OR9Q2: variants seen among roughly 807,000 people sequenced by gnomAD.
The protein encoded by OR9Q2 is olfactory receptor 9Q2.
In OR9Q2, 2 loss-of-function variants were observed where a neutral mutation model predicts 2.3. The ratio of observed to expected loss-of-function variants is 0.85; its 90% CI spans 0.35 to 2.68. The LOEUF (loss-of-function observed/expected upper bound fraction) is 2.68, where lower values mean the gene tolerates loss of function less well. OR9Q2 is among the 30% of genes most tolerant of loss of function. The probability of loss-of-function intolerance (pLI) is 0.10; values close to 1 mark genes in which losing one functional copy is unlikely to be tolerated. For missense variants in OR9Q2, 404 were observed against 395.7 expected (o/e 1.02, Z -0.18); for synonymous variants, 178 against 158.6 (o/e 1.12, Z -0.92).
chr11:58,191,284 G>A lies in OR9Q2; in HGVS notation c.794G>A (p.Gly265Asp), dbSNP rs751049731. 33 of 1,613,942 alleles carry A rather than the reference G, an allele frequency of 2.0e-5. No individual in the cohort carries two copies. Among genetic ancestry groups the A allele is most frequent in the Non-Finnish European group, 2.6e-5 (31 of 1,180,032 alleles). ...TTCATGTACCTGCGAGACAACACAG[G>A]CCAGTCCTCCGAGGGAGACCGAGTG... ...LIFMYLRDNT[G>D]QSSEGDRVVS... is the part of the protein sequence containing the mutation. Residue 265 changes from glycine (G) to aspartate (D), a missense_variant, in exon 2 of 2, where the codon GGC (glycine) becomes GAC (aspartate). Physicochemically the swap from Gly to Asp is moderately conservative, Grantham distance 94. Transcript: ENST00000641291.
chr11:58,190,662 C>A lies in OR9Q2; in HGVS notation c.172C>A (p.Pro58Thr), dbSNP rs1391572744. 4 of 1,614,206 alleles carry A rather than the reference C, an allele frequency of 2.5e-6. No individual in the cohort carries two copies. Among genetic ancestry groups the A allele is most frequent in the Non-Finnish European group, 3.4e-6 (4 of 1,180,036 alleles). ...LIRGDRRLHT[P>T]MYFFLSHLSL... ...CCGTGGCGATCGTCGGCTCCACACCCCGATGTACTTCTTCCTCAGCCACCT... is the reference window on the plus strand; with the variant it reads ...CCGTGGCGATCGTCGGCTCCACACCACGATGTACTTCTTCCTCAGCCACCT... The change falls in exon 2 of 2, where the codon CCG becomes ACG. Residue 58 changes from proline to threonine, a missense_variant. Transcript: ENST00000641291.
rs917095690 is a variant in OR9Q2 at position 58,192,088 on chromosome 11, T to C, written c.*653T>C. 2 of 145,716 alleles carry C rather than the reference T, an allele frequency of 1.4e-5. No individual in the cohort carries two copies. The highest frequency in any genetic ancestry group is 2.5e-5 in the African/African-American group (1 of 39,850). The allele number at this position is 145,716 out of a possible 1,614,324, so 9.0% of individuals were successfully genotyped here. ...ATTCTTTCTTTTTTTATCTTCTTGT[T>C]TCTGTGATTTTTGAATAACAATGAG... On this transcript the variant is annotated 3_prime_UTR_variant, in exon 2 of 2. Coordinates refer to ENST00000641291, the MANE Select transcript of OR9Q2 (RefSeq NM_001005283.3).
chr11:58,192,264 G>T lies in OR9Q2; in HGVS notation c.*829G>T, dbSNP rs1854772522. On this transcript the variant is annotated 3_prime_UTR_variant, in exon 2 of 2. Transcript: ENST00000641291. Reference sequence around the variant, plus strand: ...TGAGGTAGGTTCTATTATTATCTCTGCTTTATAGGTAGGTGAGGCACTTGA... The same window carrying T: ...TGAGGTAGGTTCTATTATTATCTCTTCTTTATAGGTAGGTGAGGCACTTGA... The T allele has an allele frequency of 6.6e-6, 1 of 152,022 alleles. No homozygotes were observed. The highest frequency in any genetic ancestry group is 2.4e-5 in the African/African-American group (1 of 41,390). The allele number at this position is 152,022 out of a possible 1,614,324, so 9.4% of individuals were successfully genotyped here. A position where few individuals can be genotyped will look rare whatever the true frequency, so the allele number is the denominator to read the frequency against.
chr11:58,189,295 C>T (rs1854736178), intron 1 of OR9Q2, among the ~76,000 whole-genome samples, 187 bp downstream of exon 1: 1 of 152,112 alleles, frequency 6.6e-6, no homozygotes, highest in Non-Finnish European at 1.5e-5. Flanking sequence ...GGAACAAAGG[C>T]AAGGTAACTG....
In OR9Q2 at chr11:58,192,444, G is replaced by A. The variant is rs957146724; in HGVS notation, c.*1009G>A. On this transcript the variant is annotated 3_prime_UTR_variant, in exon 2 of 2. Coordinates refer to ENST00000641291, the MANE Select transcript of OR9Q2 (RefSeq NM_001005283.3). Reference sequence around the variant, plus strand: ...TATAATCACTCAACCGGAATTTATTGTTATTGCTCTTTTCTTTTTCCTTTT... The same window carrying A: ...TATAATCACTCAACCGGAATTTATTATTATTGCTCTTTTCTTTTTCCTTTT... The A allele has an allele frequency of 6.6e-6, 1 of 152,090 alleles. No homozygotes were observed. The highest frequency in any genetic ancestry group is 1.5e-5 in the Non-Finnish European group (1 of 68,010). 9.4% of individuals were successfully genotyped at this position (152,090 alleles called of 1,614,324 possible). A position where few individuals can be genotyped will look rare whatever the true frequency, so the allele number is the denominator to read the frequency against.
chr11:58,192,244 T>C lies in OR9Q2; in HGVS notation c.*809T>C, dbSNP rs1050116549. The stretch of plus-strand genomic sequence containing the variant: ...TAATTTACAGGACATCCCTATGAGG[T>C]AGGTTCTATTATTATCTCTGCTTTA... On this transcript the variant is annotated 3_prime_UTR_variant, in exon 2 of 2. Coordinates refer to ENST00000641291, the MANE Select transcript of OR9Q2 (RefSeq NM_001005283.3). 8 of 151,980 alleles carry C rather than the reference T, an allele frequency of 5.3e-5. No homozygotes were observed. 9.4% of individuals were successfully genotyped at this position (151,980 alleles called of 1,614,324 possible).
In OR9Q2 at chr11:58,190,594, A is replaced by G. The variant is rs979591633; in HGVS notation, c.104A>G (p.Tyr35Cys). The G allele has an allele frequency of 1.2e-6, 2 of 1,613,894 alleles. No individual in the cohort carries two copies. Among genetic ancestry groups the G allele is most frequent in the African/African-American group, 2.7e-5 (2 of 74,852 alleles). ...CTCTTCCTCATATTTTTGAGTTTCT[A>G]TCTTGCCACTATGTTAGGGAACACA... ...VPLFLIFLSF[Y>C]LATMLGNTGM... Residue 35 changes from tyrosine to cysteine, a missense_variant, in exon 2 of 2, where the codon TAT (tyrosine) becomes TGT (cysteine). By Grantham distance (194) the Tyr-to-Cys change is radical. Coordinates refer to ENST00000641291, the MANE Select transcript of OR9Q2 (RefSeq NM_001005283.3).
Position 58,190,685 on chromosome 11 carries a change from C to T in OR9Q2, c.195C>T (p.His65=). The T allele has an allele frequency of 6.2e-7, 1 of 1,614,218 alleles. No homozygotes were observed. Residue 65 remains histidine (H), a synonymous_variant, in exon 2 of 2, where the codon CAC becomes CAT. Coordinates refer to ENST00000641291, the MANE Select transcript of OR9Q2 (RefSeq NM_001005283.3). ...CCCCGATGTACTTCTTCCTCAGCCA[C>T]CTTTCCTTGGTGGACATCTGCTACT... The part of the protein sequence containing the change: ...LHTPMYFFLS[H]LSLVDICYSS...
In OR9Q2 at chr11:58,190,399, A is replaced by G; in HGVS notation, c.-92A>G. The G allele has an allele frequency of 2.4e-6, 2 of 828,584 alleles. No individual in the cohort carries two copies. The highest frequency in any genetic ancestry group is 3.9e-6 in the Non-Finnish European group (2 of 507,396). 51.3% of individuals were successfully genotyped at this position (828,584 alleles called of 1,614,324 possible). On this transcript the variant is annotated 5_prime_UTR_variant, in exon 2 of 2. Transcript: ENST00000641291. Reference sequence around the variant, plus strand: ...TGCCGACATGTAAGACATTCAATTTAAAGCTTTGTTACTTGAAATCATTTG... The same window carrying G: ...TGCCGACATGTAAGACATTCAATTTGAAGCTTTGTTACTTGAAATCATTTG...
rs1291322069 is a variant in OR9Q2 at position 58,192,913 on chromosome 11, T to C, written c.*1478T>C. 1 of 152,200 alleles carries C rather than the reference T, an allele frequency of 6.6e-6. No homozygotes were observed. Among genetic ancestry groups the C allele is most frequent in the Non-Finnish European group, 1.5e-5 (1 of 68,028 alleles). 9.4% of individuals were successfully genotyped at this position (152,200 alleles called of 1,614,324 possible). On this transcript the variant is annotated 3_prime_UTR_variant, in exon 2 of 2. Transcript: ENST00000641291. ...CTGTGGTGGGTGTTAGACATATTTG[T>C]GTTGTGGAAAGAACTCAGAACTTGG...
Position 58,190,989 on chromosome 11 carries a change from TC to T in OR9Q2, c.501del (p.Cys169ValfsTer17). The T allele has an allele frequency of 6.2e-7, 1 of 1,614,192 alleles. No homozygotes were observed. The highest frequency in any genetic ancestry group is 8.5e-7 in the Non-Finnish European group (1 of 1,180,026). On this transcript the variant is annotated frameshift_variant, in exon 2 of 2. Transcript: ENST00000641291. LOFTEE classifies it high-confidence loss of function. The part of the protein sequence containing the change: ...FVRTVTAFTL[S>X]FCGNNEINFI... ...TCGAACGGTCACAGCCTTCACTCTC[TC>T]CTTTTGTGGAAACAATGAGATCAAC...
rs767459613 is a variant in OR9Q2, at chr11:58,190,991, C to T, written c.501C>T (p.Ser167=). The change falls in exon 2 of 2, where the codon TCC becomes TCT. Residue 167 remains serine, a synonymous_variant. Coordinates refer to ENST00000641291, the MANE Select transcript of OR9Q2 (RefSeq NM_001005283.3). ...FVRTVTAFTL[S]FCGNNEINFI... ...GAACGGTCACAGCCTTCACTCTCTCCTTTTGTGGAAACAATGAGATCAACT... is the reference window on the plus strand; with the variant it reads ...GAACGGTCACAGCCTTCACTCTCTCTTTTTGTGGAAACAATGAGATCAACT... 3.1e-6 allele frequency: 5 copies of T among 1,614,100 alleles called. No homozygotes were observed. The African/African-American group carries it at 5.3e-5, about 17-fold the overall frequency.
At position 58,190,746 on chromosome 11, in the gene OR9Q2, T is replaced by C. The variant is rs1854752347; in HGVS notation, c.256T>C (p.Trp86Arg). Residue 86 changes from tryptophan (W) to arginine (R), a missense_variant, in exon 2 of 2, where the codon TGG becomes CGG. Coordinates refer to ENST00000641291, the MANE Select transcript of OR9Q2 (RefSeq NM_001005283.3). ...CATCCCTCAGATGCTGGCTGTGCTG[T>C]GGGAGCACGGCACAACCATCTCCCA... ...AIIPQMLAVL[W>R]EHGTTISQAR... 6.2e-7 allele frequency: 1 copy of C among 1,614,080 alleles called. No homozygotes were observed. The highest frequency in any genetic ancestry group is 1.3e-5 in the African/African-American group (1 of 74,918).
chr11:58,191,307 G>C lies in OR9Q2; in HGVS notation c.817G>C (p.Val273Leu), dbSNP rs779213040. Residue 273 changes from valine (V) to leucine (L), a missense_variant, in exon 2 of 2, where the codon GTG becomes CTG. By Grantham distance (32) the Val-to-Leu change is conservative (BLOSUM62 1). Transcript: ENST00000641291. ...AGGCCAGTCCTCCGAGGGAGACCGA[G>C]TGGTGTCTGTGCTCTACACGGTGGT... ...NTGQSSEGDR[V>L]VSVLYTVVTP... 3 of 1,614,114 alleles carry C rather than the reference G, an allele frequency of 1.9e-6. No individual in the cohort carries two copies. The highest frequency in any genetic ancestry group is 2.5e-6 in the Non-Finnish European group (3 of 1,180,014).
At position 58,193,288 on chromosome 11, in the gene OR9Q2, G is replaced by T. The variant is rs963308180; in HGVS notation, c.*1853G>T. The T allele has an allele frequency of 9.9e-5, 15 of 152,258 alleles. No homozygotes were observed. Among genetic ancestry groups the T allele is most frequent in the African/African-American group, 2.9e-4 (12 of 41,550 alleles). The allele number at this position is 152,258 out of a possible 1,614,324, so 9.4% of individuals were successfully genotyped here. On this transcript the variant is annotated 3_prime_UTR_variant, in exon 2 of 2. Coordinates refer to ENST00000641291, the MANE Select transcript of OR9Q2 (RefSeq NM_001005283.3). ...TCTGGAACAGTCCCTCCTGGGCCCA[G>T]ATTAGCTCTAAACCTGGACATTTCC...
rs773178562 is a variant in OR9Q2, at chr11:58,191,272, G to A, written c.782G>A (p.Arg261Gln). 1 of 1,613,978 alleles carries A rather than the reference G, an allele frequency of 6.2e-7. No homozygotes were observed. The highest frequency in any genetic ancestry group is 2.2e-5 in the East Asian group (1 of 44,850). Residue 261 changes from arginine (R) to glutamine (Q), a missense_variant, in exon 2 of 2, where the codon CGA (arginine) becomes CAA (glutamine). By Grantham distance (43) the Arg-to-Gln change is conservative (BLOSUM62 1). Transcript: ENST00000641291. ...GGCACCCTCATCTTCATGTACCTGC[G>A]AGACAACACAGGCCAGTCCTCCGAG... ...FFGTLIFMYL[R>Q]DNTGQSSEGD... is the part of the protein sequence containing the mutation.
chr11:58,190,617 ACAGGCATGATCCTC>A lies in OR9Q2; in HGVS notation c.129_142del (p.Gly44AspfsTer73). On this transcript the variant is annotated frameshift_variant, in exon 2 of 2. Coordinates refer to ENST00000641291, the MANE Select transcript of OR9Q2 (RefSeq NM_001005283.3). LOFTEE classifies it high-confidence loss of function. ...CTATCTTGCCACTATGTTAGGGAAC[ACAGGCATGATCCTC>A]CTGATCCGTGGCGATCGTCGGCTCC... The A allele has an allele frequency of 6.2e-7, 1 of 1,614,184 alleles. No individual in the cohort carries two copies. The highest frequency in any genetic ancestry group is 8.5e-7 in the Non-Finnish European group (1 of 1,180,028).
In OR9Q2 at chr11:58,191,418, C is replaced by G; in HGVS notation, c.928C>G (p.Pro310Ala). Residue 310 changes from proline to alanine, a missense_variant, in exon 2 of 2, where the codon CCT (proline) becomes GCT (alanine). By Grantham distance (27) the Pro-to-Ala change is conservative. Transcript: ENST00000641291. ...TAGGAAAGCCCTGAGCAAATCAAAG[C>G]CTGCTAGAAGACCCTAAATGGACCC... ...ATRKALSKSK[P>A]ARRP The G allele has an allele frequency of 6.2e-7, 1 of 1,600,690 alleles. No homozygotes were observed. Among genetic ancestry groups the G allele is most frequent in the Non-Finnish European group, 8.5e-7 (1 of 1,172,934 alleles).
At chr11:58,189,659 C>G (rs1461300361) in intron 1 of OR9Q2, among the ~76,000 whole-genome samples, 2 of 152,148 alleles carry the variant, frequency 1.3e-5, no homozygotes, top group South Asian at 2.1e-4. Flanking sequence ...TCAGACAACA[C>G]AAGACTACAA....
Sources: allele counts gnomAD v4.1 joint callset (sites outside exome capture counted in the v4.1 genomes callset), GRCh38; gene constraint gnomAD v4.1.1; transcripts MANE v1.5; gene names NCBI Gene and HGNC (gene_info 2026-07-23, HGNC 2026-07-21).